The following SKIL variants were observed in gnomAD, a reference collection of about 807,000 sequenced individuals.
SKIL encodes ski-like protein.
SKIL carries 20 observed loss-of-function variants against 69.6 expected under a neutral mutation model. The ratio of observed to expected loss-of-function variants is 0.29; its 90% CI spans 0.20 to 0.42. The LOEUF (loss-of-function observed/expected upper bound fraction) is 0.42. Among genes scored for constraint, SKIL ranks in the 10% least tolerant of loss-of-function variants. The pLI, the probability that SKIL is intolerant of heterozygous loss-of-function variation, is 1.00. For synonymous variants in SKIL, 310 were observed against 279.9 expected (o/e 1.11, Z -1.08); for missense variants, 745 against 783.1 (o/e 0.95, Z 0.58).
At position 170,365,752 on chromosome 3, in the gene SKIL, C is replaced by CTTTTTTTTTTTTTTTTTTTTT. The variant is rs59222162; in HGVS notation, c.1098+4324_1098+4344dup. On this transcript the variant is annotated intron_variant, in intron 2 of 6. Transcript: ENST00000259119. Reference sequence around the variant, plus strand: ...GCTCATTTTAAAAAGTCAAACTAGGCTTTTTTTTTTTTTTTTTTTTTGAGA... The same window carrying CTTTTTTTTTTTTTTTTTTTTT: ...GCTCATTTTAAAAAGTCAAACTAGGCTTTTTTTTTTTTTTTTTTTTTTTTTTTTTTTTTTTTTTTTTTGAGA... 4.0e-4 allele frequency among the ~76,000 whole-genome samples: 43 copies of CTTTTTTTTTTTTTTTTTTTTT among 106,428 alleles called. 2 individuals are homozygous for CTTTTTTTTTTTTTTTTTTTTT. The highest frequency in any genetic ancestry group is 1.4e-3 in the East Asian group (5 of 3,626). 69.8% of individuals were successfully genotyped at this position (106,428 alleles called of 152,430 possible). A position where few individuals can be genotyped will look rare whatever the true frequency, so the allele number is the denominator to read the frequency against.
intron 4 of SKIL, among the ~76,000 whole-genome samples, chr3:170,386,274 G>A (rs1389740983): frequency 6.6e-6 from 1 of 151,470 alleles, no homozygotes; most frequent in Non-Finnish European, 1.5e-5. Context: ...GGGATTATAG[G>A]CATGCACCAC....
chr3:170,360,785 G>C lies in SKIL; in HGVS notation c.454G>C (p.Glu152Gln), dbSNP rs1444519398. The C allele has an allele frequency of 1.2e-6, 2 of 1,614,164 alleles. No homozygotes were observed. Among genetic ancestry groups the C allele is most frequent in the Non-Finnish European group, 1.7e-6 (2 of 1,180,030 alleles). Residue 152 changes from glutamate (E) to glutamine (Q), a missense_variant, in exon 2 of 7, where the codon GAA (glutamate) becomes CAA (glutamine). Glu to Gln is a conservative substitution (Grantham distance 29). Coordinates refer to ENST00000259119, the MANE Select transcript of SKIL (RefSeq NM_005414.5). ...ACTCACTCAGACTGTGTTGGAAGGG[G>C]AATCTATTTCTTGTTTTCAAGTTGG... ...TELTQTVLEG[E>Q]SISCFQVGGE...
intron 2 of SKIL, 136 bp from the exon 3 acceptor site, chr3:170,381,108 T>TGAACC: frequency 1.7e-6 from 1 of 598,946 alleles, no homozygotes. Context: ...AATACAGGTG[T>TGAACC]GAACCACTGT....
rs535047149 is a variant in SKIL at position 170,358,043 on chromosome 3, G to A, written c.-634+280G>A. Among the ~76,000 whole-genome samples, 19 of 152,196 alleles carry A rather than the reference G, an allele frequency of 1.2e-4. No individual in the cohort carries two copies. In the East Asian group the frequency reaches 3.7e-3, roughly 30 times the overall value. ...GGGCAGGGCGCTGTAGTTGACGGGA[G>A]CCGCGGGGACCCCGGAGACCCGGAC... On this transcript the variant is annotated intron_variant, in intron 1 of 6. Coordinates refer to ENST00000259119, the MANE Select transcript of SKIL (RefSeq NM_005414.5).
chr3:170,386,211 A>G (rs762796627), intron 4 of SKIL, among the ~76,000 whole-genome samples: 19 of 140,328 alleles, frequency 1.4e-4, no homozygotes, highest in African/African-American at 3.2e-4. Flanking sequence ...GCTCACTGCA[A>G]TCTCCGCCTC....
Position 170,361,336 on chromosome 3 carries a change from C to T in SKIL, c.1005C>T (p.Tyr335=). The T allele has an allele frequency of 6.2e-7, 1 of 1,613,168 alleles. No homozygotes were observed. Among genetic ancestry groups the T allele is most frequent in the African/African-American group, 1.3e-5 (1 of 74,994 alleles). Residue 335 remains tyrosine, a synonymous_variant, in exon 2 of 7, where the codon TAC becomes TAT. Transcript: ENST00000259119. ...WHCYLHVNQK[Y]LGTPEEKKLK... ...GCTATCTTCATGTGAACCAAAAATA[C>T]TTAGGAACACCTGAAGAAAAGAAAC...
intron 5 of SKIL, among the ~76,000 whole-genome samples, 178 bp from the exon 6 acceptor site, chr3:170,390,858 C>A (rs1737874465): frequency 6.6e-6 from 1 of 152,108 alleles, no homozygotes; most frequent in Non-Finnish European, 1.5e-5. Context: ...CACTGAAAAG[C>A]AATTTTAATA....
chr3:170,387,699 G>A (rs113034313), intron 4 of SKIL, among the ~76,000 whole-genome samples: 3,147 of 148,108 alleles, frequency 0.021, 106 homozygotes, highest in African/African-American at 0.075. Flanking sequence ...CGAGGCGGGC[G>A]GATCACGAGG....
intron 2 of SKIL, among the ~76,000 whole-genome samples, chr3:170,369,458 A>G (rs905933727): frequency 2.0e-5 from 3 of 152,104 alleles, no homozygotes; most frequent in African/African-American, 7.2e-5. Flanking sequence ...CTGGAGTGCA[A>G]TAAGGCAATC....
chr3:170,394,728 G>A lies in SKIL; in HGVS notation c.*2311G>A, dbSNP rs1306974941. The A allele has an allele frequency of 6.6e-6, 1 of 152,118 alleles. No homozygotes were observed. The highest frequency in any genetic ancestry group is 2.4e-5 in the African/African-American group (1 of 41,430). The allele number at this position is 152,118 out of a possible 1,614,324, so 9.4% of individuals were successfully genotyped here. On this transcript the variant is annotated 3_prime_UTR_variant, in exon 7 of 7. Transcript: ENST00000259119. ...CAGAAGATGCGTTGGTGTGCCATAG[G>A]TTTCTAACTTCCTTGAAAATAGTTT...
rs145810790 is a variant in SKIL, at chr3:170,381,525, C to T, written c.1196+184C>T. ...TCGTCTCATTGCAACCTCCGCCTCA[C>T]GGGTTCAAGCGATTCTCCTGCCTCA... On this transcript the variant is annotated intron_variant, in intron 3 of 6. Coordinates refer to ENST00000259119, the MANE Select transcript of SKIL (RefSeq NM_005414.5). Among the ~76,000 whole-genome samples, 426 of 152,122 alleles carry T rather than the reference C, an allele frequency of 2.8e-3. 2 individuals are homozygous for T. The highest frequency in any genetic ancestry group is 9.9e-3 in the African/African-American group (410 of 41,530).
chr3:170,373,818 G>A (rs1356861797), intron 2 of SKIL, among the ~76,000 whole-genome samples: 3 of 152,160 alleles, frequency 2.0e-5, no homozygotes, highest in Non-Finnish European at 2.9e-5. Context: ...TTGAGCCCAG[G>A]AGTTGGAGGA....
rs1380564715 is a variant in SKIL at position 170,381,226 on chromosome 3, T to C, written c.1099-18T>C. ...AGTTTTACTTCAATAAATGTTTCCC[T>C]TCCATGTTTTTCTGCAGACAGATGC... On this transcript the variant is annotated intron_variant, in intron 2 of 6. Coordinates refer to ENST00000259119, the MANE Select transcript of SKIL (RefSeq NM_005414.5). The C allele has an allele frequency of 7.4e-7, 1 of 1,357,684 alleles. No individual in the cohort carries two copies. Among genetic ancestry groups the C allele is most frequent in the Non-Finnish European group, 1.1e-6 (1 of 946,468 alleles). The allele number at this position is 1,357,684 out of a possible 1,614,324, so 84.1% of individuals were successfully genotyped here. A position where few individuals can be genotyped will look rare whatever the true frequency, so the allele number is the denominator to read the frequency against.
intron 1 of SKIL, chr3:170,358,738 C>T (rs1577402518): frequency 6.6e-6 from 1 of 152,162 alleles, no homozygotes; most frequent in African/African-American, 2.4e-5. Flanking sequence ...AGAGTCTTTT[C>T]TTTTTCCCTC....
Position 170,361,022 on chromosome 3 carries a change from A to G in SKIL, c.691A>G (p.Asn231Asp), listed in dbSNP as rs775180547. 1 of 1,614,242 alleles carries G rather than the reference A, an allele frequency of 6.2e-7. No individual in the cohort carries two copies. Among genetic ancestry groups the G allele is most frequent in the South Asian group, 1.1e-5 (1 of 91,090 alleles). Residue 231 changes from asparagine (N) to aspartate (D), a missense_variant, in exon 2 of 7, where the codon AAT (asparagine) becomes GAT (aspartate). By Grantham distance (23) the Asn-to-Asp change is conservative (BLOSUM62 1). Coordinates refer to ENST00000259119, the MANE Select transcript of SKIL (RefSeq NM_005414.5). ...ITLTDAQRLC[N>D]ALLRPRTFPQ... Reference sequence around the variant, plus strand: ...ATTAACTGATGCACAAAGATTATGTAATGCTTTATTGCGGCCACGAACTTT... The same window carrying G: ...ATTAACTGATGCACAAAGATTATGTGATGCTTTATTGCGGCCACGAACTTT...
At chr3:170,370,489 C>T (rs1259997459) in intron 2 of SKIL, among the ~76,000 whole-genome samples, 1 of 109,752 alleles carries the variant, frequency 9.1e-6, no homozygotes, top group Non-Finnish European at 1.7e-5. Flanking sequence ...TTACAGTCTT[C>T]TTATATCTTA....
chr3:170,370,704 A>T (rs1203164690), intron 2 of SKIL, among the ~76,000 whole-genome samples: 2 of 152,156 alleles, frequency 1.3e-5, no homozygotes, highest in African/African-American at 4.8e-5. Flanking sequence ...TGCATTTTTT[A>T]TGGGAACAAG....
chr3:170,389,496 A>G (rs1363930526), intron 4 of SKIL, among the ~76,000 whole-genome samples: 2 of 151,606 alleles, frequency 1.3e-5, no homozygotes, highest in Non-Finnish European at 2.9e-5. Flanking sequence ...TGTATTTTTT[A>G]GTAGAGACAG....
chr3:170,387,936 A>AAG (rs1457391152), intron 4 of SKIL, among the ~76,000 whole-genome samples: 7 of 146,568 alleles, frequency 4.8e-5, no homozygotes, highest in African/African-American at 1.7e-4. Context: ...TCCGTCTCAA[A>AAG]AAAAAAAAAA....
Sources: gnomAD v4.1 joint callset for allele counts (sites outside exome capture counted in the v4.1 genomes callset) on GRCh38, gnomAD v4.1.1 for gene constraint, MANE v1.5 for transcripts, NCBI Gene and HGNC (gene_info 2026-07-23, HGNC 2026-07-21) for gene names.